The following FREM1 variants were observed in gnomAD, a reference collection of about 807,000 sequenced individuals.
FREM1 encodes FRAS1 related extracellular matrix 1, also known as FRAS1-related extracellular matrix protein 1.
FREM1 carries 220 observed loss-of-function variants against 210.1 expected under a neutral mutation model. The ratio of observed to expected loss-of-function variants is 1.05; its 90% confidence interval spans 0.94 to 1.17. The LOEUF (loss-of-function observed/expected upper bound fraction) is 1.17. FREM1 is among the 50% of genes most tolerant of loss of function. The pLI, the probability that FREM1 is intolerant of heterozygous loss-of-function variation, is 0.00. For synonymous variants in FREM1, 1,189 were observed against 980.2 expected (o/e 1.21, Z -3.98); for missense variants, 3,454 against 2,675.5 (o/e 1.29, Z -6.42).
At chr9:14,824,773 C>G in intron 11 of FREM1, 23 bp downstream of exon 11, 2 of 1,569,410 alleles carry the variant, frequency 1.3e-6, no homozygotes, top group Non-Finnish European at 1.7e-6. Context: ...AACTAGTAGC[C>G]CAAATGGTGA....
chr9:14,870,790 G>A (rs1338608744), intron 1 of FREM1, among the ~76,000 whole-genome samples: 2 of 147,672 alleles, frequency 1.4e-5, no homozygotes, highest in African/African-American at 2.5e-5. Context: ...ATCTCCTAAT[G>A]CTATCCCTCC....
intron 7 of FREM1, among the ~76,000 whole-genome samples, chr9:14,848,011 C>T (rs1392299604): frequency 1.3e-5 from 2 of 152,190 alleles, no homozygotes; most frequent in African/African-American, 4.8e-5. Context: ...CGAGGCAGCT[C>T]GTTTAAGCTG....
chr9:14,743,714 C>T (rs933568733), intron 35 of FREM1, among the ~76,000 whole-genome samples: 1 of 152,042 alleles, frequency 6.6e-6, no homozygotes, highest in African/African-American at 2.4e-5. Context: ...ATCAACAAAT[C>T]CCAGCAATCA....
At chr9:14,842,761 G>C in intron 8 of FREM1, 101 bp from the exon 9 acceptor site, 1 of 806,058 alleles carries the variant, frequency 1.2e-6, no homozygotes, top group Non-Finnish European at 2.0e-6. Flanking sequence ...AGGAAAGTGT[G>C]CAGCCCGTAT....
At chr9:14,789,902 T>A (rs1297648423) in intron 22 of FREM1, among the ~76,000 whole-genome samples, 1 of 152,178 alleles carries the variant, frequency 6.6e-6, no homozygotes, top group Admixed American at 6.5e-5. Context: ...AATCCTATTA[T>A]TGTTCATTTA....
At position 14,797,496 on chromosome 9, in the gene FREM1, A is replaced by G. The variant is rs564598138; in HGVS notation, c.3839+2T>C. ...GAAAGGGACTCTTTTCAGGTAGCTT[A>G]CTTGCTCAGCATTGGTTTTTCATCA... On this transcript the variant is annotated splice_donor_variant, in intron 21 of 36. Coordinates refer to ENST00000380880, the MANE Select transcript of FREM1 (RefSeq NM_001379081.2). LOFTEE classifies it high-confidence loss of function. 1 of 1,604,162 alleles carries G rather than the reference A, an allele frequency of 6.2e-7. No homozygotes were observed. The highest frequency in any genetic ancestry group is 8.5e-7 in the Non-Finnish European group (1 of 1,174,710).
chr9:14,806,382 A>T (rs1818367187), intron 18 of FREM1, among the ~76,000 whole-genome samples: 1 of 151,798 alleles, frequency 6.6e-6, no homozygotes, highest in South Asian at 2.1e-4. Context: ...CAGCCTCCCA[A>T]GTAGCTGGGA....
At chr9:14,861,206 CATATACATAT>C (rs1259250573) in intron 3 of FREM1, among the ~76,000 whole-genome samples, 1 of 68,274 alleles carries the variant, frequency 1.5e-5, no homozygotes, top group Non-Finnish European at 2.5e-5. Context: ...TATATACACA[CATATACATAT>C]ATACACATAT....
intron 1 of FREM1, among the ~76,000 whole-genome samples, chr9:14,869,626 T>C (rs966023811): frequency 6.6e-6 from 1 of 152,188 alleles, no homozygotes; most frequent in Non-Finnish European, 1.5e-5. Context: ...GATTATAATC[T>C]AATTTTTTTC....
Position 14,869,193 on chromosome 9 carries a change from A to C in FREM1, c.-216T>G. On this transcript the variant is annotated 5_prime_UTR_variant, in exon 2 of 37. Transcript: ENST00000380880. ...GGGCTTTTAATAAAACTCGCTGATCACTCCTGACAACGCCGGCAAGATTAA... is the reference window on the plus strand; with the variant it reads ...GGGCTTTTAATAAAACTCGCTGATCCCTCCTGACAACGCCGGCAAGATTAA... The C allele has an allele frequency of 2.1e-6, 1 of 468,532 alleles. No individual in the cohort carries two copies. The allele number at this position is 468,532 out of a possible 1,614,324, so 29.0% of individuals were successfully genotyped here.
chr9:14,825,533 A>C (rs12005284), intron 10 of FREM1, among the ~76,000 whole-genome samples: 1 of 93,574 alleles, frequency 1.1e-5, no homozygotes, highest in Non-Finnish European at 2.1e-5. Context: ...ATATATATAT[A>C]TATGTGTGTG....
chr9:14,831,052 C>T (rs1214238607), intron 10 of FREM1, among the ~76,000 whole-genome samples: 8 of 152,190 alleles, frequency 5.3e-5, no homozygotes, highest in Non-Finnish European at 1.2e-4. Flanking sequence ...CCCCATTACC[C>T]ACAGGTATTG....
chr9:14,853,734 T>C (rs12343858), intron 5 of FREM1, among the ~76,000 whole-genome samples: 11,524 of 152,192 alleles, frequency 0.076, 1,382 homozygotes, highest in African/African-American at 0.25. Context: ...CACTGCATGG[T>C]TGATGAAGGC....
At position 14,869,177 on chromosome 9, in the gene FREM1, A is replaced by G. The variant is rs1437713828; in HGVS notation, c.-200T>C. 7 of 518,298 alleles carry G rather than the reference A, an allele frequency of 1.4e-5. No individual in the cohort carries two copies. Among genetic ancestry groups the G allele is most frequent in the Non-Finnish European group, 1.0e-5 (3 of 292,136 alleles). 32.1% of individuals were successfully genotyped at this position (518,298 alleles called of 1,614,324 possible). ...CTTTCAGGCAATCCCAGGGCTTTTA[A>G]TAAAACTCGCTGATCACTCCTGACA... On this transcript the variant is annotated 5_prime_UTR_variant, in exon 2 of 37. Transcript: ENST00000380880.
intron 1 of FREM1, among the ~76,000 whole-genome samples, chr9:14,891,263 A>G (rs1350121100): frequency 3.9e-5 from 6 of 152,368 alleles, no homozygotes; most frequent in Middle Eastern, 3.4e-3. Context: ...CTTTTTGAGT[A>G]TGACATATCA....
intron 1 of FREM1, among the ~76,000 whole-genome samples, chr9:14,886,746 A>T (rs1035256262): frequency 2.6e-5 from 4 of 152,088 alleles, no homozygotes; most frequent in African/African-American, 4.8e-5. Context: ...AAAAAATTTT[A>T]AATTAGGTTG....
At chr9:14,797,303 G>A (rs1396195506) in intron 21 of FREM1, among the ~76,000 whole-genome samples, 195 bp downstream of exon 21, 2 of 152,292 alleles carry the variant, frequency 1.3e-5, no homozygotes, top group African/African-American at 2.4e-5. Flanking sequence ...TAATTAAACG[G>A]CTGATTGTTA....
At chr9:14,847,924 T>C (rs1009621743) in intron 7 of FREM1, among the ~76,000 whole-genome samples, 1 of 152,208 alleles carries the variant, frequency 6.6e-6, no homozygotes, top group Non-Finnish European at 1.5e-5. Flanking sequence ...GAATTATAAA[T>C]CAAGGCTGCT....
intron 9 of FREM1, among the ~76,000 whole-genome samples, chr9:14,841,866 A>G (rs1458357408): frequency 6.6e-6 from 1 of 152,248 alleles, no homozygotes; most frequent in Non-Finnish European, 1.5e-5. Flanking sequence ...CAAATATACA[A>G]AGTAACACTA....
Sources: allele counts gnomAD v4.1 joint callset (sites outside exome capture counted in the v4.1 genomes callset), GRCh38; gene constraint gnomAD v4.1.1; transcripts MANE v1.5; gene names NCBI Gene and HGNC (gene_info 2026-07-23, HGNC 2026-07-21).